ART3: variants seen among roughly 807,000 people sequenced by gnomAD.
ART3 encodes ecto-ADP-ribosyltransferase 3.
Under a neutral mutation model 48.5 loss-of-function variants are expected in ART3, and 49 were observed. The ratio of observed to expected loss-of-function variants is 1.01; its 90% CI spans 0.80 to 1.28. The LOEUF is 1.28. ART3 is among the 50% of genes most tolerant of loss of function. The pLI, the probability that ART3 is intolerant of heterozygous loss-of-function variation, is 0.00. For synonymous variants in ART3, 145 were observed against 157.2 expected, an observed-to-expected ratio of 0.92 and a Z score of 0.58; for missense variants, 438 against 454.3, an observed-to-expected ratio of 0.96 and a Z score of 0.33.
chr4:76,110,911 A>G (rs1159759956), intron 11 of ART3, among the ~76,000 whole-genome samples: 1 of 152,022 alleles, frequency 6.6e-6, no homozygotes, highest in Non-Finnish European at 1.5e-5. Flanking sequence ...TTTATCATTT[A>G]CTACCATAAA....
intron 3 of ART3, among the ~76,000 whole-genome samples, chr4:76,088,297 G>T (rs977227682): frequency 1.9e-4 from 29 of 151,520 alleles, no homozygotes; most frequent in African/African-American, 7.0e-4. Flanking sequence ...CTGGCATTTT[G>T]GTCAATGTTT....
chr4:76,044,072 G>A (rs1276492565), intron 1 of ART3, among the ~76,000 whole-genome samples: 1 of 151,882 alleles, frequency 6.6e-6, no homozygotes, highest in Non-Finnish European at 1.5e-5. Flanking sequence ...AAGACCATCT[G>A]TAGCTTGATG....
chr4:76,017,075 C>G (rs1373326066), intron 1 of ART3, among the ~76,000 whole-genome samples: 2 of 152,038 alleles, frequency 1.3e-5, no homozygotes, highest in African/African-American at 4.8e-5. Context: ...TCACTGTGGC[C>G]GAGCTGGTAC....
At chr4:76,031,092 G>A (rs1733831353) in intron 1 of ART3, among the ~76,000 whole-genome samples, 1 of 152,238 alleles carries the variant, frequency 6.6e-6, no homozygotes, top group Non-Finnish European at 1.5e-5. Context: ...GTTTCCCAAA[G>A]TGTGGGACAC....
intron 10 of ART3, 60 bp downstream of exon 10, chr4:76,104,689 T>C: frequency 6.5e-7 from 1 of 1,533,850 alleles, no homozygotes; most frequent in South Asian, 1.2e-5. Flanking sequence ...ACAGTCACCA[T>C]TAGATATGCA....
At chr4:76,075,759 T>C (rs1252292137) in intron 1 of ART3, 122 bp from the exon 2 acceptor site, 2 of 704,650 alleles carry the variant, frequency 2.8e-6, no homozygotes, top group African/African-American at 3.6e-5. Flanking sequence ...TGATAATCAC[T>C]TCCTGACCAT....
intron 1 of ART3, among the ~76,000 whole-genome samples, chr4:76,057,770 A>G (rs918904197): frequency 2.6e-5 from 4 of 152,348 alleles, no homozygotes; most frequent in East Asian, 1.9e-4. Context: ...CCAGAAATCA[A>G]TTACAGCATA....
chr4:76,100,848 G>A (rs1560650303), intron 7 of ART3, 24 bp downstream of exon 7: 12 of 1,610,212 alleles, frequency 7.5e-6, no homozygotes, highest in Non-Finnish European at 1.0e-5. Context: ...TATAAATTCT[G>A]GGGGCTTACA....
At chr4:76,110,344 A>T (rs890913549) in intron 11 of ART3, among the ~76,000 whole-genome samples, 1 of 152,236 alleles carries the variant, frequency 6.6e-6, no homozygotes, top group African/African-American at 2.4e-5. Flanking sequence ...GTGTGTAGGT[A>T]TATGCAAATA....
In ART3 at chr4:76,021,936, A is replaced by G. The variant is rs760025429; in HGVS notation, c.-10+10616A>G. 3 of 1,611,660 alleles carry G rather than the reference A, an allele frequency of 1.9e-6. No homozygotes were observed. The South Asian group carries it at 3.3e-5, about 18-fold the overall frequency. On this transcript the variant is annotated intron_variant, in intron 1 of 9. Coordinates refer to the ART3 transcript ENST00000341029. ...ATTTTGCTCCCCTCTGGTTTTAAGGAGATCTTTTAGACCTGTAAGAAGAGA... is the reference window on the plus strand; with the variant it reads ...ATTTTGCTCCCCTCTGGTTTTAAGGGGATCTTTTAGACCTGTAAGAAGAGA...
intron 1 of ART3, among the ~76,000 whole-genome samples, chr4:76,056,153 C>T (rs749156199): frequency 6.6e-6 from 1 of 152,232 alleles, no homozygotes; most frequent in Non-Finnish European, 1.5e-5. Flanking sequence ...CTACCTTTCT[C>T]CTTCTTTAGC....
At chr4:76,045,879 C>A (rs1391471034) in intron 1 of ART3, among the ~76,000 whole-genome samples, 2 of 152,022 alleles carry the variant, frequency 1.3e-5, no homozygotes, top group Non-Finnish European at 2.9e-5. Context: ...TGAGGATAAG[C>A]CAGTATAGGC....
intron 1 of ART3, among the ~76,000 whole-genome samples, chr4:76,054,157 G>T (rs1265743662): frequency 6.6e-6 from 1 of 152,180 alleles, no homozygotes; most frequent in Non-Finnish European, 1.5e-5. Flanking sequence ...GAGGAGAGGA[G>T]AAAATAGATC....
chr4:76,018,369 A>G (rs1250171207), intron 1 of ART3, among the ~76,000 whole-genome samples: 1 of 152,180 alleles, frequency 6.6e-6, no homozygotes, highest in African/African-American at 2.4e-5. Flanking sequence ...CTCACTTATA[A>G]GTGGGAACTG....
chr4:76,080,827 T>A (rs896798057), intron 2 of ART3, among the ~76,000 whole-genome samples: 4 of 152,156 alleles, frequency 2.6e-5, no homozygotes, highest in African/African-American at 9.7e-5. Flanking sequence ...TAATTTTTTT[T>A]AAAATTGAAA....
At chr4:76,047,124 G>A (rs1735587397) in intron 1 of ART3, among the ~76,000 whole-genome samples, 1 of 152,012 alleles carries the variant, frequency 6.6e-6, no homozygotes, top group African/African-American at 2.4e-5. Context: ...AGTGGACATG[G>A]ACGAGGGGGC....
In ART3 at chr4:76,040,440, A is replaced by ACACACACACACGCG. The variant is rs1553926420; in HGVS notation, c.-10+29131_-10+29132insGCGCACACACACAC. Reference sequence around the variant, plus strand: ...ATGGATACGCACATACACTGGATACACACACACACACACACACACACACAC... The same window carrying ACACACACACACGCG: ...ATGGATACGCACATACACTGGATACACACACACACACGCGCACACACACACACACACACACACAC... On this transcript the variant is annotated intron_variant, in intron 1 of 9. Coordinates refer to the ART3 transcript ENST00000341029. Among the ~76,000 whole-genome samples the ACACACACACACGCG allele has an allele frequency of 5.1e-3, 472 of 93,274 alleles. 6 individuals are homozygous for ACACACACACACGCG. In the Middle Eastern group the frequency reaches 0.062, roughly 12 times the overall value. The allele number at this position is 93,274 out of a possible 152,430, so 61.2% of individuals were successfully genotyped here.
At chr4:76,029,084 C>T (rs1479193295) in intron 1 of ART3, among the ~76,000 whole-genome samples, 1 of 152,082 alleles carries the variant, frequency 6.6e-6, no homozygotes, top group East Asian at 1.9e-4. Flanking sequence ...ATACTTTGTT[C>T]CATTTTTAAT....
chr4:76,047,800 A>C (rs1319073356), intron 1 of ART3, among the ~76,000 whole-genome samples: 1 of 151,968 alleles, frequency 6.6e-6, no homozygotes, highest in Non-Finnish European at 1.5e-5. Context: ...TCTTTTCATT[A>C]AAGGCCAGGG....
Sources: gnomAD v4.1 joint callset for allele counts (sites outside exome capture counted in the v4.1 genomes callset) on GRCh38, gnomAD v4.1.1 for gene constraint, MANE v1.5 for transcripts, NCBI Gene and HGNC (gene_info 2026-07-23, HGNC 2026-07-21) for gene names.